Variants in SLC36A4 observed in about 807,000 individuals in gnomAD.
SLC36A4 encodes the protein solute carrier family 36 member 4.
SLC36A4 carries 49 observed loss-of-function variants against 50.5 expected under a neutral mutation model. The observed-to-expected ratio is 0.97, with a 90% confidence interval of 0.77 to 1.23. The LOEUF (loss-of-function observed/expected upper bound fraction) is 1.23. Ranked by LOEUF, SLC36A4 falls within the 50% of genes most tolerant of loss-of-function variation. SLC36A4 has a pLI of 0.00. For synonymous variants in SLC36A4, 207 were observed against 206.5 expected (o/e 1.00, Z -0.02); for missense variants, 611 against 608.4 (o/e 1.00, Z -0.05).
At chr11:93,170,848 A>T (rs1453400004) in intron 6 of SLC36A4, among the ~76,000 whole-genome samples, 1 of 152,064 alleles carries the variant, frequency 6.6e-6, no homozygotes, top group Non-Finnish European at 1.5e-5. Context: ...GTCATGTGGC[A>T]GTTACATAGC....
chr11:93,154,437 T>C (rs1860253041), intron 9 of SLC36A4, 160 bp from the exon 10 acceptor site: 2 of 365,236 alleles, frequency 5.5e-6, no homozygotes, highest in African/African-American at 2.1e-5. Flanking sequence ...AATTGATCTC[T>C]AACTAAATTT....
At position 93,148,723 on chromosome 11, in the gene SLC36A4, T is replaced by C; in HGVS notation, c.1329A>G (p.Glu443=). The part of the protein sequence containing the change: ...PLVEILTFSK[E]HYNIWMVLKN... ...TCAGGACCATCCATATATTATAATG[T>C]TCCTTCGAAAATGTAAGAATTTCAA... The change falls in exon 11 of 11, where the codon GAA becomes GAG. Residue 443 remains glutamate (E), a synonymous_variant. Transcript: ENST00000326402. 1 of 1,612,972 alleles carries C rather than the reference T, an allele frequency of 6.2e-7. No homozygotes were observed. The highest frequency in any genetic ancestry group is 8.5e-7 in the Non-Finnish European group (1 of 1,179,342).
chr11:93,158,980 A>G (rs1860494752), intron 9 of SLC36A4, among the ~76,000 whole-genome samples: 1 of 152,150 alleles, frequency 6.6e-6, no homozygotes, highest in African/African-American at 2.4e-5. Context: ...TGAGAGTTAC[A>G]GACTAATTCT....
At chr11:93,166,861 T>C (rs897255493) in intron 7 of SLC36A4, 6 of 152,174 alleles carry the variant, frequency 3.9e-5, no homozygotes, top group Non-Finnish European at 8.8e-5. Context: ...CTGTGTGATA[T>C]ACTGGTGATA....
intron 6 of SLC36A4, among the ~76,000 whole-genome samples, chr11:93,177,204 T>C (rs1260532891): frequency 6.6e-6 from 1 of 152,216 alleles, no homozygotes; most frequent in African/African-American, 2.4e-5. Flanking sequence ...CATTTGATCT[T>C]CAATCACTGA....
chr11:93,186,797 C>T (rs1172047400), intron 1 of SLC36A4, among the ~76,000 whole-genome samples: 1 of 152,154 alleles, frequency 6.6e-6, no homozygotes, highest in Non-Finnish European at 1.5e-5. Flanking sequence ...CTTCCCTTGG[C>T]TGGAAGAAGT....
At chr11:93,182,074 A>G (rs1861761146) in intron 4 of SLC36A4, among the ~76,000 whole-genome samples, 1 of 152,096 alleles carries the variant, frequency 6.6e-6, no homozygotes, top group African/African-American at 2.4e-5. Flanking sequence ...ATTAATTTAA[A>G]TATTTCAAAT....
chr11:93,188,251 G>A (rs1462573223), intron 1 of SLC36A4, among the ~76,000 whole-genome samples: 1 of 152,226 alleles, frequency 6.6e-6, no homozygotes, highest in African/African-American at 2.4e-5. Flanking sequence ...GGGAGGATGT[G>A]TTGAGAGATC....
At chr11:93,184,281 C>T in intron 3 of SLC36A4, 149 bp downstream of exon 3, 2 of 650,496 alleles carry the variant, frequency 3.1e-6, no homozygotes, top group East Asian at 2.8e-5. Context: ...ATATCATTAT[C>T]ACAGTTGACA....
chr11:93,165,758 G>T (rs1169811783), intron 8 of SLC36A4, among the ~76,000 whole-genome samples, 160 bp downstream of exon 8: 2 of 151,966 alleles, frequency 1.3e-5, no homozygotes, highest in East Asian at 3.9e-4. Flanking sequence ...GTTAATGGAA[G>T]GACTAAACTA....
At chr11:93,192,026 G>A (rs1862235648) in intron 1 of SLC36A4, among the ~76,000 whole-genome samples, 1 of 152,014 alleles carries the variant, frequency 6.6e-6, no homozygotes, top group South Asian at 2.1e-4. Context: ...TAGATGCTGA[G>A]AATAATTACT....
chr11:93,174,331 C>A (rs1861343343), intron 6 of SLC36A4, among the ~76,000 whole-genome samples: 1 of 150,614 alleles, frequency 6.6e-6, no homozygotes, highest in South Asian at 2.1e-4. Context: ...TGCTTATCAG[C>A]TTAAGGAGAT....
rs12799058 is a variant in SLC36A4, at chr11:93,160,006, G to A, written c.1037+2700C>T. ...GTACACTGCACAATCTCTAACTTTC[G>A]AGGCCTCTTGTGTGAAGCACAGGAA... On this transcript the variant is annotated intron_variant, in intron 9 of 10. Coordinates refer to ENST00000326402, the MANE Select transcript of SLC36A4 (RefSeq NM_152313.4). The A allele has an allele frequency of 1.2e-4, 121 of 985,318 alleles. No individual in the cohort carries two copies. The African/African-American group carries it at 1.9e-3, about 15-fold the overall frequency. 61.0% of individuals were successfully genotyped at this position (985,318 alleles called of 1,614,324 possible). A position where few individuals can be genotyped will look rare whatever the true frequency, so the allele number is the denominator to read the frequency against.
At chr11:93,185,525 G>A in intron 2 of SLC36A4, 166 bp downstream of exon 2, 1 of 561,030 alleles carries the variant, frequency 1.8e-6, no homozygotes, top group Non-Finnish European at 2.9e-6. Context: ...ACTGCTCTGT[G>A]ATTTAAACGC....
At position 93,160,239 on chromosome 11, in the gene SLC36A4, T is replaced by C. The variant is rs543807852; in HGVS notation, c.1037+2467A>G. 6.1e-6 allele frequency: 6 copies of C among 985,416 alleles called. No individual in the cohort carries two copies. In the South Asian group the frequency reaches 1.4e-4, roughly 23 times the overall value. 61.0% of individuals were successfully genotyped at this position (985,416 alleles called of 1,614,324 possible). A position where few individuals can be genotyped will look rare whatever the true frequency, so the allele number is the denominator to read the frequency against. On this transcript the variant is annotated intron_variant, in intron 9 of 10. Transcript: ENST00000326402. ...ACACAGAAACAGACTATAGGCTGCA[T>C]AGGGCATATCTCCACAGTGCAAAGG...
rs920349973 is a variant in SLC36A4 at position 93,145,541 on chromosome 11, T to G, written c.*2996A>C. The G allele has an allele frequency of 6.6e-6, 1 of 152,114 alleles. No individual in the cohort carries two copies. The highest frequency in any genetic ancestry group is 2.1e-4 in the South Asian group (1 of 4,836). 9.4% of individuals were successfully genotyped at this position (152,114 alleles called of 1,614,324 possible). On this transcript the variant is annotated 3_prime_UTR_variant, in exon 11 of 11. Transcript: ENST00000326402. ...TGTTTTGACAAGTTGACTCTGATAC[T>G]GATGAAACTCTTGGGTGTAAGGGAA...
intron 6 of SLC36A4, 92 bp from the exon 7 acceptor site, chr11:93,168,263 T>C: frequency 1.6e-6 from 1 of 615,252 alleles, no homozygotes. Context: ...TCACAACATA[T>C]ACACTCTACA....
intron 1 of SLC36A4, among the ~76,000 whole-genome samples, chr11:93,187,311 T>C (rs1367132885): frequency 6.6e-6 from 1 of 152,224 alleles, no homozygotes; most frequent in East Asian, 1.9e-4. Flanking sequence ...TTGACCATGC[T>C]AAGTCAGTTT....
In SLC36A4 at chr11:93,146,827, T is replaced by C. The variant is rs1373995224; in HGVS notation, c.*1710A>G. On this transcript the variant is annotated 3_prime_UTR_variant, in exon 11 of 11. Coordinates refer to ENST00000326402, the MANE Select transcript of SLC36A4 (RefSeq NM_152313.4). ...TTCATTTTCCCCACTAACTGAGAGA[T>C]TCTTTATCTTGGTTAATAACTTGAA... 1.3e-5 allele frequency: 2 copies of C among 152,102 alleles called. No homozygotes were observed. The highest frequency in any genetic ancestry group is 2.9e-5 in the Non-Finnish European group (2 of 67,996). The allele number at this position is 152,102 out of a possible 1,614,324, so 9.4% of individuals were successfully genotyped here. A position where few individuals can be genotyped will look rare whatever the true frequency, so the allele number is the denominator to read the frequency against.
Sources: gnomAD v4.1 joint callset for allele counts (sites outside exome capture counted in the v4.1 genomes callset) on GRCh38, gnomAD v4.1.1 for gene constraint, MANE v1.5 for transcripts, NCBI Gene and HGNC (gene_info 2026-07-23, HGNC 2026-07-21) for gene names.